The following SEL1L variants were observed in gnomAD, a reference collection of about 807,000 sequenced individuals.
The protein encoded by SEL1L is SEL1L adaptor subunit of SYVN1 ubiquitin ligase, also known as protein sel-1 homolog 1.
A neutral mutation model predicts 109.8 loss-of-function variants in SEL1L; 52 were observed. That is an observed-to-expected ratio of 0.47 (90% CI 0.38 to 0.60). The LOEUF is 0.60. Ranked by LOEUF, SEL1L falls within the 20% of genes least tolerant of loss-of-function variation. The pLI is 0.00. For missense variants in SEL1L, 749 were observed against 962.2 expected (o/e 0.78, Z 2.93); for synonymous variants, 373 against 339.6 (o/e 1.10, Z -1.08).
At chr14:81,518,263 C>G (rs1884778350) in intron 3 of SEL1L, among the ~76,000 whole-genome samples, 1 of 151,672 alleles carries the variant, frequency 6.6e-6, no homozygotes, top group African/African-American at 2.4e-5. Context: ...AGGTCAGCTT[C>G]CACTTACTAG....
chr14:81,527,843 G>A, intron 1 of SEL1L, 105 bp from the exon 2 acceptor site: 7 of 688,188 alleles, frequency 1.0e-5, no homozygotes, highest in Non-Finnish European at 1.5e-5. Context: ...TCAAACATTG[G>A]ATAAATAAAC....
chr14:81,504,634 G>A (rs1884162648), intron 4 of SEL1L, among the ~76,000 whole-genome samples: 3 of 151,932 alleles, frequency 2.0e-5, no homozygotes, highest in Admixed American at 2.0e-4. Context: ...GATTATATGT[G>A]ATATGGTTTG....
At chr14:81,530,951 T>G (rs1274047882) in intron 1 of SEL1L, among the ~76,000 whole-genome samples, 5 of 152,094 alleles carry the variant, frequency 3.3e-5, no homozygotes, top group Non-Finnish European at 7.4e-5. Context: ...TAGCTAAACA[T>G]AGAAAAGCTA....
chr14:81,497,733 G>GTT (rs879570410), intron 10 of SEL1L, among the ~76,000 whole-genome samples, 159 bp downstream of exon 10: 9 of 146,384 alleles, frequency 6.1e-5, no homozygotes, highest in African/African-American at 1.2e-4. Flanking sequence ...GAGACTCTTG[G>GTT]TTTTTTTTTT....
chr14:81,513,759 C>T (rs1884584139), intron 3 of SEL1L, among the ~76,000 whole-genome samples: 1 of 152,138 alleles, frequency 6.6e-6, no homozygotes, highest in Non-Finnish European at 1.5e-5. Flanking sequence ...TCTAACCACC[C>T]CCAACTCTTC....
chr14:81,477,136 G>A lies in SEL1L; in HGVS notation c.2221C>T (p.Pro741Ser). 4 of 1,614,144 alleles carry A rather than the reference G, an allele frequency of 2.5e-6. No individual in the cohort carries two copies. The highest frequency in any genetic ancestry group is 3.4e-6 in the Non-Finnish European group (4 of 1,180,014). Residue 741 changes from proline (P) to serine (S), a missense_variant, in exon 21 of 21, where the codon CCT becomes TCT. Around this residue, in one of 2 missense-constraint regions of SEL1L, gnomAD observed 383 missense variants for 562.5 expected, o/e 0.68. Transcript: ENST00000336735. ...GTCATGAGGTAAAGGTCCCACTCAG[G>A]TCCCAAAAGCTGGTCCATATCAAGT... ...TQLDMDQLLG[P>S]EWDLYLMTII...
At chr14:81,506,343 C>A in intron 3 of SEL1L, 102 bp from the exon 4 acceptor site, 1 of 955,378 alleles carries the variant, frequency 1.0e-6, no homozygotes, top group South Asian at 1.9e-5. Context: ...AGCAAAGATT[C>A]ATGATGCCTG....
At position 81,476,017 on chromosome 14, in the gene SEL1L, C is replaced by G. The variant is rs1903147735; in HGVS notation, c.*955G>C. 6.6e-6 allele frequency: 1 copy of G among 152,170 alleles called. No homozygotes were observed. The allele number at this position is 152,170 out of a possible 1,614,324, so 9.4% of individuals were successfully genotyped here. On this transcript the variant is annotated 3_prime_UTR_variant, in exon 21 of 21. Coordinates refer to ENST00000336735, the MANE Select transcript of SEL1L (RefSeq NM_005065.6). ...AAAGAATTCAGGAAGGTGATGTGTT[C>G]TTTGTGCAAAAAGAAATGCAAAGTA...
At chr14:81,504,171 G>A in intron 5 of SEL1L, 30 bp downstream of exon 5, 1 of 1,380,348 alleles carries the variant, frequency 7.2e-7, no homozygotes, top group Admixed American at 2.0e-5. Flanking sequence ...CCTGTCATGG[G>A]GGAAAAGTGG....
At chr14:81,484,591 G>T in intron 18 of SEL1L, 194 bp from the exon 19 acceptor site, 1 of 502,942 alleles carries the variant, frequency 2.0e-6, no homozygotes, top group Non-Finnish European at 3.5e-6. Context: ...TAGCTCTTCT[G>T]CAGAAGGCTT....
At chr14:81,523,990 T>C (rs913854795) in intron 3 of SEL1L, among the ~76,000 whole-genome samples, 4 of 152,194 alleles carry the variant, frequency 2.6e-5, no homozygotes, top group Admixed American at 2.0e-4. Context: ...CTTTCAGAGA[T>C]TGCTTGGGCA....
intron 6 of SEL1L, among the ~76,000 whole-genome samples, chr14:81,500,308 A>T (rs1449896837): frequency 6.6e-6 from 1 of 152,120 alleles, no homozygotes; most frequent in Non-Finnish European, 1.5e-5. Flanking sequence ...ATCTCGGCTC[A>T]CTGCAGCCTC....
In SEL1L at chr14:81,502,832, C is replaced by T. The variant is rs1341940953; in HGVS notation, c.666G>A (p.Leu222=). Residue 222 remains leucine, a synonymous_variant, in exon 6 of 21, where the codon CTG becomes CTA. Coordinates refer to ENST00000336735, the MANE Select transcript of SEL1L (RefSeq NM_005065.6). ...KAASMNHTKA[L]ERVSYALLFG... is the part of the protein sequence containing the mutation. ...ATAAAAGAGCATATGACACTCTCTC[C>T]AGGGCTTTGGTATGGTTCATGCTTG... The T allele has an allele frequency of 1.2e-6, 2 of 1,614,088 alleles. No homozygotes were observed. Among genetic ancestry groups the T allele is most frequent in the Non-Finnish European group, 1.7e-6 (2 of 1,179,976 alleles).
chr14:81,481,868 T>C (rs1903367240), intron 19 of SEL1L, among the ~76,000 whole-genome samples: 1 of 151,820 alleles, frequency 6.6e-6, no homozygotes, highest in Non-Finnish European at 1.5e-5. Flanking sequence ...CCGTCTCTAC[T>C]AAAAATACAA....
In SEL1L at chr14:81,479,755, A is replaced by G; in HGVS notation, c.2047-15T>C. The G allele has an allele frequency of 1.9e-6, 3 of 1,576,874 alleles. No individual in the cohort carries two copies. The highest frequency in any genetic ancestry group is 2.6e-6 in the Non-Finnish European group (3 of 1,162,056). On this transcript the variant is annotated splice_polypyrimidine_tract_variant and intron_variant, in intron 19 of 20. Transcript: ENST00000336735. ...AGGTGAATATCCTATAATACAGGTA[A>G]GAAACAAAAATGCATTTCTTGTCAA...
chr14:81,512,065 G>C (rs941343472), intron 3 of SEL1L, among the ~76,000 whole-genome samples: 3 of 152,114 alleles, frequency 2.0e-5, no homozygotes, highest in African/African-American at 7.2e-5. Flanking sequence ...GTTTAATTTT[G>C]TGTGTCAACC....
At chr14:81,522,930 T>G (rs184406104) in intron 3 of SEL1L, among the ~76,000 whole-genome samples, 1 of 152,108 alleles carries the variant, frequency 6.6e-6, no homozygotes, top group African/African-American at 2.4e-5. Flanking sequence ...CAACCACCCA[T>G]TTTTTCCAAA....
chr14:81,527,625 T>C, intron 2 of SEL1L, 76 bp downstream of exon 2: 9 of 1,069,236 alleles, frequency 8.4e-6, no homozygotes, highest in Non-Finnish European at 1.2e-5. Context: ...GCAGACCTCA[T>C]ATCCTTTCTA....
chr14:81,483,368 C>T (rs1162211237), intron 19 of SEL1L, among the ~76,000 whole-genome samples: 2 of 152,126 alleles, frequency 1.3e-5, no homozygotes, highest in Non-Finnish European at 2.9e-5. Context: ...CTAGTAATAT[C>T]TCATGAATTT....
Sources: allele counts gnomAD v4.1 joint callset (sites outside exome capture counted in the v4.1 genomes callset), GRCh38; gene constraint gnomAD v4.1.1; regional missense constraint gnomAD v4.1.1; transcripts MANE v1.5; gene names NCBI Gene and HGNC (gene_info 2026-07-23, HGNC 2026-07-21).